WDR70: variants seen among roughly 807,000 people sequenced by gnomAD.
WDR70 encodes WD repeat domain 70.
A neutral mutation model predicts 88.6 loss-of-function variants in WDR70; 53 were observed. That is an observed-to-expected ratio of 0.60 (90% CI 0.48 to 0.75). The LOEUF (loss-of-function observed/expected upper bound fraction) is 0.75, where lower values mean the gene tolerates loss of function less well. WDR70 is among the 30% of genes least tolerant of loss of function. The pLI is 0.00. For synonymous variants in WDR70, 280 were observed against 270.0 expected, an observed-to-expected ratio of 1.04 and a Z score of -0.36; for missense variants, 610 against 823.2, an observed-to-expected ratio of 0.74 and a Z score of 3.17.
chr5:37,672,968 G>A (rs1746073828), intron 10 of WDR70, among the ~76,000 whole-genome samples: 1 of 152,008 alleles, frequency 6.6e-6, no homozygotes, highest in African/African-American at 2.4e-5. Flanking sequence ...TGGAGGCGGG[G>A]GGGTTTGTTG....
At chr5:37,481,343 C>T (rs1739663790) in intron 8 of WDR70, among the ~76,000 whole-genome samples, 2 of 152,218 alleles carry the variant, frequency 1.3e-5, no homozygotes, top group Non-Finnish European at 1.5e-5. Context: ...CCCCCCGCTC[C>T]CTGCAGCAAA....
intron 10 of WDR70, among the ~76,000 whole-genome samples, chr5:37,608,839 G>A (rs1005665119): frequency 4.6e-5 from 7 of 152,236 alleles, no homozygotes; most frequent in East Asian, 3.9e-4. Context: ...TATGACAGGC[G>A]TGAGCCACTG....
chr5:37,415,771 G>A (rs531748592), intron 5 of WDR70, among the ~76,000 whole-genome samples: 237 of 146,222 alleles, frequency 1.6e-3, no homozygotes, highest in African/African-American at 5.6e-3. Context: ...GCTGCCGGGC[G>A]GAGGGTCTCC....
intron 8 of WDR70, among the ~76,000 whole-genome samples, chr5:37,499,609 C>T (rs1303325649): frequency 1.4e-4 from 17 of 121,188 alleles, no homozygotes; most frequent in African/African-American, 3.9e-4. Flanking sequence ...CTCTCTCTCT[C>T]TCTCTCTCTC....
At chr5:37,625,992 G>A (rs1483310925) in intron 10 of WDR70, among the ~76,000 whole-genome samples, 1 of 146,762 alleles carries the variant, frequency 6.8e-6, no homozygotes, top group Non-Finnish European at 1.5e-5. Context: ...TTCTGTTATG[G>A]GTTCTAAGAG....
chr5:37,494,266 A>G (rs1740150586), intron 8 of WDR70, among the ~76,000 whole-genome samples: 1 of 152,204 alleles, frequency 6.6e-6, no homozygotes, highest in Admixed American at 6.5e-5. Context: ...ATATTGGGAT[A>G]GGGCCTTCAG....
At chr5:37,719,356 C>T (rs1237733773) in intron 13 of WDR70, among the ~76,000 whole-genome samples, 1 of 145,744 alleles carries the variant, frequency 6.9e-6, no homozygotes, top group Non-Finnish European at 1.5e-5. Context: ...ACAACCCCCC[C>T]CCCAAAAAAT....
At chr5:37,430,701 C>A (rs1295905800) in intron 5 of WDR70, among the ~76,000 whole-genome samples, 1 of 152,056 alleles carries the variant, frequency 6.6e-6, no homozygotes, top group African/African-American at 2.4e-5. Context: ...GCTGGGATTA[C>A]AAGCCTGCGC....
intron 9 of WDR70, among the ~76,000 whole-genome samples, chr5:37,600,488 C>T: frequency 7.2e-6 from 1 of 139,564 alleles, no homozygotes; most frequent in South Asian, 2.2e-4. Context: ...GATTGCGCCA[C>T]TGCACTCCAG....
intron 4 of WDR70, among the ~76,000 whole-genome samples, chr5:37,393,556 T>C (rs1275582523): frequency 6.6e-6 from 1 of 152,194 alleles, no homozygotes; most frequent in African/African-American, 2.4e-5. Flanking sequence ...TGATATGTTT[T>C]GTTTCCATTT....
chr5:37,524,226 G>C (rs560577460), intron 9 of WDR70, among the ~76,000 whole-genome samples: 3 of 152,298 alleles, frequency 2.0e-5, no homozygotes, highest in East Asian at 3.9e-4. Flanking sequence ...AGGGCAGCCA[G>C]AGAGAAAGGT....
intron 9 of WDR70, among the ~76,000 whole-genome samples, chr5:37,544,872 TA>T (rs1278864042): frequency 6.6e-6 from 1 of 152,204 alleles, no homozygotes; most frequent in African/African-American, 2.4e-5. Context: ...GCTAGGCAGA[TA>T]TCATTTGATT....
intron 8 of WDR70, among the ~76,000 whole-genome samples, chr5:37,483,490 A>T (rs929934414): frequency 6.6e-6 from 1 of 152,216 alleles, no homozygotes; most frequent in East Asian, 1.9e-4. Flanking sequence ...GAAGTCTCCC[A>T]TGTCTACTTC....
chr5:37,489,946 T>TC (rs999213255), intron 8 of WDR70, among the ~76,000 whole-genome samples: 42 of 151,790 alleles, frequency 2.8e-4, no homozygotes, highest in Admixed American at 2.4e-3. Context: ...CCCTCCCCCT[T>TC]CCCCCCAGTG....
At chr5:37,398,508 A>G (rs1444373667) in intron 5 of WDR70, among the ~76,000 whole-genome samples, 1 of 152,320 alleles carries the variant, frequency 6.6e-6, no homozygotes, top group East Asian at 1.9e-4. Flanking sequence ...TCTGTCAATG[A>G]CTGTCAAAAT....
chr5:37,380,751 C>T (rs1401676209), intron 2 of WDR70, among the ~76,000 whole-genome samples: 1 of 152,054 alleles, frequency 6.6e-6, no homozygotes, highest in Non-Finnish European at 1.5e-5. Context: ...AGGCTTAAGC[C>T]ATCCTCCCAC....
At position 37,550,093 on chromosome 5, in the gene WDR70, C is replaced by T. The variant is rs536368869; in HGVS notation, c.917+33503C>T. Among the ~76,000 whole-genome samples the T allele has an allele frequency of 2.0e-4, 31 of 152,176 alleles. No individual in the cohort carries two copies. In the South Asian group the frequency reaches 4.2e-3, roughly 20 times the overall value. On this transcript the variant is annotated intron_variant, in intron 9 of 17. Coordinates refer to ENST00000265107, the MANE Select transcript of WDR70 (RefSeq NM_018034.4). ...TTGAACAGGCTGGTCTTGAACTCCT[C>T]GCCTCAAGGCATCCATCTGCCATGG...
intron 10 of WDR70, among the ~76,000 whole-genome samples, chr5:37,665,698 A>G (rs1396942196): frequency 6.6e-6 from 1 of 152,218 alleles, no homozygotes; most frequent in Non-Finnish European, 1.5e-5. Context: ...CAATTGGGTT[A>G]TCTTTAGATG....
At chr5:37,400,708 C>T (rs1013892612) in intron 5 of WDR70, among the ~76,000 whole-genome samples, 5 of 152,108 alleles carry the variant, frequency 3.3e-5, no homozygotes, top group African/African-American at 1.2e-4. Context: ...GTCACCCAGT[C>T]TGTGGTATTT....
Sources: allele counts gnomAD v4.1 joint callset (sites outside exome capture counted in the v4.1 genomes callset), GRCh38; gene constraint gnomAD v4.1.1; transcripts MANE v1.5; gene names NCBI Gene and HGNC (gene_info 2026-07-23, HGNC 2026-07-21).